Variants in MCC observed in about 807,000 individuals in gnomAD.
MCC encodes colorectal mutant cancer protein.
In MCC, 90 loss-of-function variants were observed where a neutral mutation model predicts 116.2. The observed-to-expected ratio is 0.77, with a 90% confidence interval of 0.65 to 0.92. The LOEUF is 0.92. Ranked by LOEUF, MCC falls within the 40% of genes least tolerant of loss-of-function variation. The pLI is 0.00. For missense variants in MCC, 1,516 were observed against 1,312.2 expected (o/e 1.16, Z -2.40); for synonymous variants, 578 against 510.5 (o/e 1.13, Z -1.78).
At chr5:113,334,075 A>T (rs1274209183) in intron 3 of MCC, among the ~76,000 whole-genome samples, 2 of 147,524 alleles carry the variant, frequency 1.4e-5, no homozygotes, top group Non-Finnish European at 3.0e-5. Context: ...ATACTTTAAA[A>T]ACCAAGTAGT....
At chr5:113,131,711 G>A (rs990621212) in intron 5 of MCC, among the ~76,000 whole-genome samples, 3 of 152,112 alleles carry the variant, frequency 2.0e-5, no homozygotes, top group African/African-American at 4.8e-5. Flanking sequence ...ACCACAGCCT[G>A]AGGGAGAAAG....
chr5:113,371,346 C>T (rs572920451), intron 2 of MCC, among the ~76,000 whole-genome samples: 4 of 152,294 alleles, frequency 2.6e-5, no homozygotes, highest in Non-Finnish European at 4.4e-5. Flanking sequence ...TCTCCATTTC[C>T]TTATCTATCC....
At chr5:113,457,476 C>G (rs1771604936) in intron 1 of MCC, among the ~76,000 whole-genome samples, 1 of 152,218 alleles carries the variant, frequency 6.6e-6, no homozygotes, top group Non-Finnish European at 1.5e-5. Context: ...TGAGCACAGC[C>G]CCCTGCTCCA....
chr5:113,170,217 T>C (rs1286296844), intron 3 of MCC, among the ~76,000 whole-genome samples: 3 of 152,228 alleles, frequency 2.0e-5, no homozygotes, highest in Non-Finnish European at 4.4e-5. Flanking sequence ...TTACAGCACC[T>C]ACTTCTTTTA....
intron 3 of MCC, among the ~76,000 whole-genome samples, chr5:113,193,087 G>A (rs1405967313): frequency 6.6e-6 from 1 of 152,096 alleles, no homozygotes; most frequent in East Asian, 1.9e-4. Context: ...GCATTCCTTG[G>A]CTCGTGGCCC....
chr5:113,432,760 AAAAAAT>A (rs1386250784), intron 1 of MCC: 1 of 152,238 alleles, frequency 6.6e-6, no homozygotes, highest in African/African-American at 2.4e-5. Flanking sequence ...GTTGATAAGG[AAAAAAT>A]AAAAATAAAA....
chr5:113,238,318 T>A (rs1764226370), intron 3 of MCC, among the ~76,000 whole-genome samples: 1 of 152,118 alleles, frequency 6.6e-6, no homozygotes, highest in Non-Finnish European at 1.5e-5. Flanking sequence ...AACTGAGAAA[T>A]GAAGGGAAAA....
intron 3 of MCC, among the ~76,000 whole-genome samples, chr5:113,191,874 TG>T (rs752943937): frequency 3.3e-5 from 5 of 152,172 alleles, no homozygotes; most frequent in Non-Finnish European, 7.3e-5. Flanking sequence ...TATGGGACAA[TG>T]TTGGACTTTA....
intron 3 of MCC, among the ~76,000 whole-genome samples, chr5:113,214,495 A>G (rs2150325277): frequency 6.6e-6 from 1 of 152,264 alleles, no homozygotes; most frequent in African/African-American, 2.4e-5. Context: ...AAATACTTAA[A>G]ATGTAAAGTG....
intron 3 of MCC, among the ~76,000 whole-genome samples, chr5:113,226,163 TAAACAAAC>T (rs748179460): frequency 6.6e-6 from 1 of 152,206 alleles, no homozygotes; most frequent in South Asian, 2.1e-4. Context: ...GCTCTGTCTC[TAAACAAAC>T]AAACAAACAA....
rs1480996383 is a variant in MCC, at chr5:113,327,561, A to AAAAAAT, written c.627+12957_627+12958insATTTTT. 1.4e-3 allele frequency among the ~76,000 whole-genome samples: 114 copies of AAAAAAT among 80,546 alleles called. 2 individuals carry two copies. Among genetic ancestry groups the AAAAAAT allele is most frequent in the Non-Finnish European group, 2.3e-3 (94 of 40,392 alleles). The allele number at this position is 80,546 out of a possible 152,430, so 52.8% of individuals were successfully genotyped here. A position where few individuals can be genotyped will look rare whatever the true frequency, so the allele number is the denominator to read the frequency against. ...ACTCAGTCTCAAAAAAAAAAAAAAA[A>AAAAAAT]ATATATATATATATATATATATATA... On this transcript the variant is annotated intron_variant, in intron 3 of 18. Coordinates refer to ENST00000408903, the MANE Select transcript of MCC (RefSeq NM_001085377.2).
At chr5:113,126,368 G>A (rs1021929933) in intron 5 of MCC, among the ~76,000 whole-genome samples, 2 of 152,148 alleles carry the variant, frequency 1.3e-5, no homozygotes, top group African/African-American at 2.4e-5. Context: ...GGGGCTTCGA[G>A]AGGCAACTTA....
chr5:113,027,795 A>C (rs892937005), intron 18 of MCC, among the ~76,000 whole-genome samples: 2 of 152,204 alleles, frequency 1.3e-5, no homozygotes, highest in African/African-American at 4.8e-5. Flanking sequence ...AAAACGGATA[A>C]ATACAAATAG....
At chr5:113,111,564 A>C (rs543415740) in intron 6 of MCC, among the ~76,000 whole-genome samples, 2 of 152,342 alleles carry the variant, frequency 1.3e-5, no homozygotes, top group African/African-American at 4.8e-5. Context: ...TTAAATGTAC[A>C]TATAGTTCAA....
chr5:113,425,044 C>T (rs1770444678), intron 1 of MCC, among the ~76,000 whole-genome samples: 1 of 152,102 alleles, frequency 6.6e-6, no homozygotes, highest in Non-Finnish European at 1.5e-5. Flanking sequence ...TTAAGAATAT[C>T]AGTTTCCATG....
At chr5:113,341,414 G>A (rs1768008533) in intron 2 of MCC, among the ~76,000 whole-genome samples, 1 of 151,828 alleles carries the variant, frequency 6.6e-6, no homozygotes, top group Non-Finnish European at 1.5e-5. Context: ...TGAACTCCTG[G>A]GTTCAAGAAA....
intron 1 of MCC, among the ~76,000 whole-genome samples, chr5:113,453,345 G>A (rs1771453704): frequency 6.6e-6 from 1 of 152,018 alleles, no homozygotes. Flanking sequence ...ACCAAGAAAT[G>A]TTGTAGAACA....
intron 1 of MCC, among the ~76,000 whole-genome samples, chr5:113,435,371 G>A (rs1480099274): frequency 1.3e-5 from 2 of 151,022 alleles, no homozygotes; most frequent in African/African-American, 4.9e-5. Context: ...CAGACCCCTG[G>A]CCTGCATAGA....
intron 7 of MCC, among the ~76,000 whole-genome samples, chr5:113,103,388 C>T (rs923762257): frequency 6.6e-6 from 1 of 152,178 alleles, no homozygotes; most frequent in Non-Finnish European, 1.5e-5. Context: ...TGGGGCTAGA[C>T]CCAAGTTGAC....
Sources: allele counts gnomAD v4.1 joint callset (sites outside exome capture counted in the v4.1 genomes callset), GRCh38; gene constraint gnomAD v4.1.1; transcripts MANE v1.5; gene names NCBI Gene and HGNC (gene_info 2026-07-23, HGNC 2026-07-21).